The following TSHR variants were observed in gnomAD, a reference collection of about 807,000 sequenced individuals.
TSHR encodes thyrotropin receptor.
Under a neutral mutation model 64.1 loss-of-function variants are expected in TSHR, and 51 were observed. The observed-to-expected ratio is 0.80, with a 90% CI of 0.64 to 1.01. The LOEUF is 1.01. Ranked by LOEUF, TSHR falls within the 50% of genes least tolerant of loss-of-function variation. The pLI is 0.00. For missense variants in TSHR, 877 were observed against 942.8 expected (o/e 0.93, Z 0.91); for synonymous variants, 361 against 361.9 (o/e 1.00, Z 0.03).
chr14:80,972,453 AC>A (rs1887631083), intron 1 of TSHR, among the ~76,000 whole-genome samples: 1 of 152,000 alleles, frequency 6.6e-6, no homozygotes, highest in Non-Finnish European at 1.5e-5. Context: ...ATCTTTTTTG[AC>A]TTTTATGTCA....
chr14:81,060,263 C>T (rs1441199145), intron 1 of TSHR, among the ~76,000 whole-genome samples: 1 of 152,086 alleles, frequency 6.6e-6, no homozygotes, highest in Non-Finnish European at 1.5e-5. Context: ...TTGGGTGATA[C>T]TCAACAGGTG....
At chr14:81,110,455 A>G (rs1890178017) in intron 8 of TSHR, among the ~76,000 whole-genome samples, 1 of 152,212 alleles carries the variant, frequency 6.6e-6, no homozygotes, top group Admixed American at 6.5e-5. Context: ...CCAGGGAGAG[A>G]GGCCTCAGGA....
chr14:81,114,905 C>T (rs567867765), intron 8 of TSHR, among the ~76,000 whole-genome samples: 3,087 of 152,276 alleles, frequency 0.02, 112 homozygotes, highest in African/African-American at 0.07. Context: ...GGGAGGCACC[C>T]CCCAGCAGGG....
intron 2 of TSHR, among the ~76,000 whole-genome samples, chr14:81,064,563 A>C (rs1177280028): frequency 6.6e-6 from 1 of 152,178 alleles, no homozygotes; most frequent in African/African-American, 2.4e-5. Flanking sequence ...CAGGGAACAA[A>C]CAGACAAAGA....
chr14:81,117,305 A>G (rs1890563450), intron 8 of TSHR, among the ~76,000 whole-genome samples: 1 of 123,900 alleles, frequency 8.1e-6, no homozygotes, highest in Non-Finnish European at 1.6e-5. Context: ...TAAAGAAAAA[A>G]AGAGAGAAGA....
chr14:80,971,680 A>G (rs981761468), intron 1 of TSHR, among the ~76,000 whole-genome samples: 9 of 152,192 alleles, frequency 5.9e-5, no homozygotes, highest in Non-Finnish European at 8.8e-5. Context: ...ACCATTCTGC[A>G]TCCTTTAAGT....
chr14:81,102,728 G>A, intron 7 of TSHR: 3 of 916,656 alleles, frequency 3.3e-6, no homozygotes, highest in Non-Finnish European at 3.9e-6. Flanking sequence ...GGCAAGGTAG[G>A]ATTTGACTGG....
chr14:81,102,917 T>A, intron 7 of TSHR: 1 of 985,320 alleles, frequency 1.0e-6, no homozygotes, highest in African/African-American at 1.7e-5. Context: ...CCAATCATAA[T>A]AGAAAACAAA....
At chr14:81,041,284 G>A (rs1185833158) in intron 1 of TSHR, among the ~76,000 whole-genome samples, 1 of 152,000 alleles carries the variant, frequency 6.6e-6, no homozygotes, top group Non-Finnish European at 1.5e-5. Flanking sequence ...GTTCATCAAT[G>A]ATAGAATGGA....
intron 1 of TSHR, among the ~76,000 whole-genome samples, chr14:81,007,467 T>C (rs1470823244): frequency 6.6e-6 from 1 of 152,210 alleles, no homozygotes; most frequent in Non-Finnish European, 1.5e-5. Flanking sequence ...TTGTCTCTTT[T>C]TTTCTCATTA....
chr14:81,101,877 T>G (rs1267344825), intron 7 of TSHR, among the ~76,000 whole-genome samples: 2 of 152,028 alleles, frequency 1.3e-5, no homozygotes, highest in African/African-American at 2.4e-5. Context: ...TTTATTCTCA[T>G]TAAAACTAAG....
intron 1 of TSHR, among the ~76,000 whole-genome samples, chr14:80,984,973 G>A (rs565904020): frequency 1.3e-5 from 2 of 152,246 alleles, no homozygotes; most frequent in African/African-American, 2.4e-5. Flanking sequence ...GCTTTTGGCC[G>A]GGCGCGGTGG....
intron 3 of TSHR, among the ~76,000 whole-genome samples, chr14:81,080,751 A>C (rs1887843048): frequency 6.6e-6 from 1 of 152,198 alleles, no homozygotes; most frequent in South Asian, 2.1e-4. Context: ...GAAATAATTT[A>C]TTCTGTGAAC....
intron 8 of TSHR, among the ~76,000 whole-genome samples, chr14:81,138,348 AC>A (rs907347034): frequency 6.6e-6 from 1 of 151,300 alleles, no homozygotes; most frequent in African/African-American, 2.4e-5. Flanking sequence ...GTGCCACCAT[AC>A]CCGGCTAATT....
intron 1 of TSHR, among the ~76,000 whole-genome samples, chr14:81,032,298 C>T (rs1483522123): frequency 2.0e-5 from 3 of 152,106 alleles, no homozygotes; most frequent in Non-Finnish European, 4.4e-5. Flanking sequence ...AAAACTGCAT[C>T]CAGACATGCC....
In TSHR at chr14:80,996,070, T is replaced by C. The variant is rs1889003795; in HGVS notation, c.170+40220T>C. Among the ~76,000 whole-genome samples the C allele has an allele frequency of 2.0e-5, 3 of 152,210 alleles. No homozygotes were observed. The South Asian group carries it at 6.2e-4, about 31-fold the overall frequency. ...TCAGTTTTTTGTTGACCCTGCATGA[T>C]TGTGATAGAATTTTTCTACCTCGTG... On this transcript the variant is annotated intron_variant, in intron 1 of 9. Transcript: ENST00000298171.
chr14:81,107,172 G>A (rs558906150), intron 7 of TSHR: 2 of 152,240 alleles, frequency 1.3e-5, no homozygotes, highest in Non-Finnish European at 2.9e-5. Flanking sequence ...AAGTTTCTCT[G>A]TGAGGGCTCT....
intron 8 of TSHR, among the ~76,000 whole-genome samples, chr14:81,109,889 C>A (rs1017012138): frequency 1.2e-4 from 18 of 152,172 alleles, no homozygotes; most frequent in Non-Finnish European, 2.1e-4. Context: ...AATGTATTAA[C>A]CTTTTCTGTG....
intron 1 of TSHR, chr14:81,013,368 G>C (rs1445808517): frequency 1.3e-5 from 2 of 152,214 alleles, no homozygotes; most frequent in Admixed American, 1.3e-4. Flanking sequence ...TTTGAAGTCA[G>C]GTAGTGTGAT....
Sources: allele counts gnomAD v4.1 joint callset (sites outside exome capture counted in the v4.1 genomes callset), GRCh38; gene constraint gnomAD v4.1.1; transcripts MANE v1.5; gene names NCBI Gene and HGNC (gene_info 2026-07-23, HGNC 2026-07-21).